The following PTPRT variants were observed in gnomAD, a reference collection of about 807,000 sequenced individuals.
The protein encoded by PTPRT is protein tyrosine phosphatase receptor type T, also known as receptor-type tyrosine-protein phosphatase T.
Under a neutral mutation model 176.8 loss-of-function variants are expected in PTPRT, and 56 were observed. That is an observed-to-expected ratio of 0.32 (90% CI 0.26 to 0.40). PTPRT has a LOEUF of 0.40. PTPRT is among the 10% of genes least tolerant of loss of function. The probability of loss-of-function intolerance (pLI) is 1.00; values close to 1 mark genes in which losing one functional copy is unlikely to be tolerated. For synonymous variants in PTPRT, 783 were observed against 739.0 expected, an observed-to-expected ratio of 1.06 and a Z score of -0.96; for missense variants, 1,540 against 1,908.2, an observed-to-expected ratio of 0.81 and a Z score of 3.60.
chr20:42,739,201 T>C (rs1006571721), intron 6 of PTPRT, among the ~76,000 whole-genome samples: 8 of 152,126 alleles, frequency 5.3e-5, no homozygotes, highest in Non-Finnish European at 1.2e-4. Context: ...GCAGAAGCCA[T>C]GGCCAACAGC....
chr20:42,975,846 C>A (rs80229300), intron 1 of PTPRT, among the ~76,000 whole-genome samples: 2 of 151,450 alleles, frequency 1.3e-5, no homozygotes, highest in Admixed American at 1.3e-4. Context: ...ATGTTCTGCA[C>A]ATGTATGCCC....
At chr20:42,122,626 C>G (rs1987645412) in intron 19 of PTPRT, among the ~76,000 whole-genome samples, 1 of 152,218 alleles carries the variant, frequency 6.6e-6, no homozygotes, top group African/African-American at 2.4e-5. Context: ...ATTCCCACAG[C>G]CCTCATCCTC....
intron 7 of PTPRT, among the ~76,000 whole-genome samples, chr20:42,630,769 G>A (rs1174576273): frequency 6.6e-6 from 1 of 152,156 alleles, no homozygotes; most frequent in African/African-American, 2.4e-5. Context: ...TGCCATGCAG[G>A]CCTAAGTGAA....
intron 9 of PTPRT, among the ~76,000 whole-genome samples, chr20:42,447,934 T>A (rs746995271): frequency 1.3e-5 from 2 of 152,196 alleles, no homozygotes; most frequent in Non-Finnish European, 2.9e-5. Context: ...CTCTTCCACA[T>A]AAGAACAATC....
At chr20:42,176,404 C>T (rs1990292751) in intron 16 of PTPRT, among the ~76,000 whole-genome samples, 1 of 152,164 alleles carries the variant, frequency 6.6e-6, no homozygotes, top group African/African-American at 2.4e-5. Context: ...ATTTTAACTA[C>T]ACTCAGATCC....
intron 26 of PTPRT, among the ~76,000 whole-genome samples, chr20:42,100,907 G>A (rs535560909): frequency 6.6e-6 from 1 of 152,328 alleles, no homozygotes; most frequent in African/African-American, 2.4e-5. Context: ...GTGGACAGAG[G>A]CCAGGGCAGG....
At chr20:43,144,454 C>T (rs962494685) in intron 1 of PTPRT, among the ~76,000 whole-genome samples, 1 of 152,178 alleles carries the variant, frequency 6.6e-6, no homozygotes, top group African/African-American at 2.4e-5. Flanking sequence ...ACTGCAATGA[C>T]TCCCAACAAG....
intron 1 of PTPRT, among the ~76,000 whole-genome samples, chr20:43,161,758 G>C (rs941101356): frequency 4.0e-5 from 6 of 150,866 alleles, no homozygotes; most frequent in South Asian, 2.1e-4. Context: ...TTTTTGCTCT[G>C]ATGGGCAAAA....
chr20:42,817,886 C>T (rs1271911333), intron 2 of PTPRT, among the ~76,000 whole-genome samples: 2 of 152,154 alleles, frequency 1.3e-5, no homozygotes, highest in Admixed American at 6.5e-5. Context: ...GGACCTGAGC[C>T]CCGGCGGGAG....
intron 1 of PTPRT, among the ~76,000 whole-genome samples, chr20:42,964,984 G>A (rs1408589280): frequency 6.6e-6 from 1 of 152,128 alleles, no homozygotes; most frequent in African/African-American, 2.4e-5. Flanking sequence ...ATTTTAAAGT[G>A]ATTCTCTACC....
chr20:42,825,722 C>T (rs1600796909), intron 2 of PTPRT, among the ~76,000 whole-genome samples: 1 of 151,970 alleles, frequency 6.6e-6, no homozygotes, highest in East Asian at 1.9e-4. Context: ...CCCATATATA[C>T]CAAGAGAATG....
At chr20:42,511,241 T>C (rs1370039611) in intron 7 of PTPRT, among the ~76,000 whole-genome samples, 1 of 152,120 alleles carries the variant, frequency 6.6e-6, no homozygotes, top group Non-Finnish European at 1.5e-5. Context: ...TCTTTATAAA[T>C]CACCCAGTTT....
chr20:42,114,307 C>T (rs895939736), intron 22 of PTPRT, among the ~76,000 whole-genome samples: 2 of 152,158 alleles, frequency 1.3e-5, no homozygotes, highest in African/African-American at 4.8e-5. Context: ...AATAATAGTG[C>T]TTACCTTATA....
At chr20:42,357,432 T>C (rs1386058601) in intron 9 of PTPRT, among the ~76,000 whole-genome samples, 1 of 152,244 alleles carries the variant, frequency 6.6e-6, no homozygotes, top group East Asian at 1.9e-4. Flanking sequence ...TCTAAATGAA[T>C]AATTAAATTA....
chr20:42,300,316 A>T (rs2057446606), intron 12 of PTPRT, among the ~76,000 whole-genome samples: 1 of 151,354 alleles, frequency 6.6e-6, no homozygotes, highest in Non-Finnish European at 1.5e-5. Flanking sequence ...AGGTAGAGGG[A>T]TACATAGACA....
At chr20:42,981,810 A>G (rs933796324) in intron 1 of PTPRT, among the ~76,000 whole-genome samples, 1 of 152,226 alleles carries the variant, frequency 6.6e-6, no homozygotes, top group Non-Finnish European at 1.5e-5. Context: ...AACTGACACT[A>G]TCAGGCACTG....
intron 16 of PTPRT, among the ~76,000 whole-genome samples, chr20:42,180,127 G>T (rs1013640544): frequency 2.6e-5 from 4 of 152,158 alleles, no homozygotes; most frequent in Admixed American, 2.6e-4. Context: ...AGGCACAAGG[G>T]TCTTCACTAT....
chr20:42,440,051 CAT>C (rs2059298418), intron 9 of PTPRT, among the ~76,000 whole-genome samples: 2 of 152,052 alleles, frequency 1.3e-5, no homozygotes, highest in Non-Finnish European at 1.5e-5. Context: ...GGACTACAGG[CAT>C]GCGCCACCAC....
chr20:42,389,633 G>T (rs937021674), intron 9 of PTPRT, among the ~76,000 whole-genome samples: 1 of 151,978 alleles, frequency 6.6e-6, no homozygotes, highest in African/African-American at 2.4e-5. Flanking sequence ...GAGACTTCTT[G>T]CTTGAGTCTA....
Sources: gnomAD v4.1 joint callset for allele counts (sites outside exome capture counted in the v4.1 genomes callset) on GRCh38, gnomAD v4.1.1 for gene constraint, MANE v1.5 for transcripts, NCBI Gene and HGNC (gene_info 2026-07-23, HGNC 2026-07-21) for gene names.